Variants in DYM observed in about 807,000 individuals in gnomAD.
DYM encodes dyggve-Melchior-Clausen syndrome protein.
In DYM, 78 loss-of-function variants were observed where a neutral mutation model predicts 93.1. The observed-to-expected ratio is 0.84, with a 90% CI of 0.70 to 1.01. DYM has a LOEUF of 1.01. Ranked by LOEUF, DYM falls within the 50% of genes least tolerant of loss-of-function variation. DYM has a pLI of 0.00. For synonymous variants in DYM, 321 were observed against 319.7 expected, an observed-to-expected ratio of 1.00 and a Z score of -0.04; for missense variants, 789 against 845.0, an observed-to-expected ratio of 0.93 and a Z score of 0.82.
intron 14 of DYM, among the ~76,000 whole-genome samples, chr18:49,173,632 A>C (rs1335886482): frequency 6.6e-6 from 1 of 152,122 alleles, no homozygotes. Flanking sequence ...TGACAATAAC[A>C]AATTTAACAG....
intron 8 of DYM, among the ~76,000 whole-genome samples, chr18:49,315,271 T>C (rs2146441709): frequency 6.6e-6 from 1 of 152,026 alleles, no homozygotes; most frequent in Non-Finnish European, 1.5e-5. Flanking sequence ...TTAACATACA[T>C]GTTAGGTTCC....
At chr18:49,286,915 G>T (rs986156527) in intron 8 of DYM, among the ~76,000 whole-genome samples, 1 of 152,058 alleles carries the variant, frequency 6.6e-6, no homozygotes, top group South Asian at 2.1e-4. Context: ...AATGCAAGCC[G>T]GGTGCAGTGG....
At chr18:49,397,900 T>C (rs1182646938) in intron 2 of DYM, among the ~76,000 whole-genome samples, 2 of 152,234 alleles carry the variant, frequency 1.3e-5, no homozygotes, top group Non-Finnish European at 2.9e-5. Context: ...CTTTTTCATT[T>C]TACTTTTTCA....
At chr18:49,113,023 ATAT>A (rs1162052305) in intron 16 of DYM, among the ~76,000 whole-genome samples, 1 of 152,084 alleles carries the variant, frequency 6.6e-6, no homozygotes, top group African/African-American at 2.4e-5. Flanking sequence ...AACTGGGTAG[ATAT>A]TGATGTCATA....
chr18:49,288,298 C>T (rs1037750014), intron 8 of DYM, among the ~76,000 whole-genome samples: 115 of 152,164 alleles, frequency 7.6e-4, no homozygotes, highest in African/African-American at 2.6e-3. Flanking sequence ...TACATACAAT[C>T]AATAAATAAT....
chr18:49,150,396 A>C (rs529845999), intron 15 of DYM, among the ~76,000 whole-genome samples: 1 of 152,320 alleles, frequency 6.6e-6, no homozygotes, highest in South Asian at 2.1e-4. Flanking sequence ...TAGTCTGATG[A>C]CATTAGTACC....
intron 13 of DYM, among the ~76,000 whole-genome samples, chr18:49,232,452 C>T (rs1383721922): frequency 6.6e-6 from 1 of 151,084 alleles, no homozygotes; most frequent in African/African-American, 2.4e-5. Flanking sequence ...TACAGGCACC[C>T]ACCACCACAC....
chr18:49,141,182 T>G (rs1355947988), intron 15 of DYM, among the ~76,000 whole-genome samples: 1 of 152,180 alleles, frequency 6.6e-6, no homozygotes, highest in Non-Finnish European at 1.5e-5. Context: ...ATGTCACCTA[T>G]GTTTCCATCT....
intron 6 of DYM, among the ~76,000 whole-genome samples, chr18:49,346,882 G>A (rs2147099230): frequency 6.6e-6 from 1 of 152,188 alleles, no homozygotes; most frequent in South Asian, 2.1e-4. Context: ...TAAGTTGAAA[G>A]TATCAAAAGC....
intron 14 of DYM, among the ~76,000 whole-genome samples, chr18:49,181,610 G>A (rs568235834): frequency 2.0e-5 from 3 of 152,102 alleles, no homozygotes; most frequent in African/African-American, 4.8e-5. Flanking sequence ...GTATTATGTC[G>A]GTGCTCAAAA....
intron 1 of DYM, among the ~76,000 whole-genome samples, chr18:49,440,030 A>G (rs1480353667): frequency 6.8e-6 from 1 of 146,264 alleles, no homozygotes; most frequent in African/African-American, 2.5e-5. Context: ...ATAAATAAAT[A>G]AATAAATAAA....
intron 1 of DYM, among the ~76,000 whole-genome samples, chr18:49,451,804 A>G (rs7232138): frequency 0.079 from 12,054 of 152,254 alleles, 667 homozygotes; most frequent in African/African-American, 0.15. Flanking sequence ...CTTATCATAC[A>G]TTTGTCATTA....
intron 16 of DYM, among the ~76,000 whole-genome samples, chr18:49,102,751 T>C (rs1311429420): frequency 4.6e-5 from 7 of 152,182 alleles, no homozygotes; most frequent in Admixed American, 3.3e-4. Flanking sequence ...GAACTCATCC[T>C]TTTTTATGGC....
chr18:49,420,952 C>T (rs1361616644), intron 2 of DYM, among the ~76,000 whole-genome samples: 19 of 152,042 alleles, frequency 1.2e-4, no homozygotes, highest in Non-Finnish European at 2.2e-4. Context: ...AAGGTGGCAG[C>T]GAGGCTGGGG....
chr18:49,357,597 C>T (rs2065673447), intron 6 of DYM, among the ~76,000 whole-genome samples: 1 of 152,140 alleles, frequency 6.6e-6, no homozygotes, highest in Non-Finnish European at 1.5e-5. Context: ...ATACTGTTTC[C>T]ATATAGACTA....
rs555098372 is a variant in DYM, at chr18:49,050,080, C to CTTTT, written c.2026-5880_2026-5877dup. On this transcript the variant is annotated intron_variant, in intron 17 of 17. Coordinates refer to ENST00000675505, the MANE Select transcript of DYM (RefSeq NM_001353214.3). ...ATAAGGTGGACAGAGAGGTAACTTC[C>CTTTT]TTTTTTTTTTTTTTTTTTTTTTTAA... Among the ~76,000 whole-genome samples the CTTTT allele has an allele frequency of 8.1e-4, 87 of 106,904 alleles. 1 individual carries two copies. Among genetic ancestry groups the CTTTT allele is most frequent in the African/African-American group, 3.1e-3 (82 of 26,148 alleles). The allele number at this position is 106,904 out of a possible 152,430, so 70.1% of individuals were successfully genotyped here.
rs1004624840 is a variant in DYM at position 49,115,186 on chromosome 18, T to A, written c.1911+3558A>T. On this transcript the variant is annotated intron_variant, in intron 16 of 17. Transcript: ENST00000675505. ...ATTGCACGTAAGTGCTTAGCAAGTA[T>A]GCAATAAAAGCTAGTGATGATTAGA... is the stretch of plus-strand genomic sequence containing the variant. Among the ~76,000 whole-genome samples the A allele has an allele frequency of 4.6e-5, 7 of 152,392 alleles. 1 individual carries two copies. In the South Asian group the frequency reaches 6.2e-4, roughly 14 times the overall value.
intron 13 of DYM, among the ~76,000 whole-genome samples, chr18:49,246,402 G>A (rs1328726448): frequency 6.6e-6 from 1 of 152,148 alleles, no homozygotes; most frequent in Non-Finnish European, 1.5e-5. Flanking sequence ...CATCAAGAAG[G>A]AAAATGCTTT....
At chr18:49,134,494 C>G (rs963085563) in intron 15 of DYM, among the ~76,000 whole-genome samples, 2 of 152,128 alleles carry the variant, frequency 1.3e-5, no homozygotes, top group African/African-American at 4.8e-5. Flanking sequence ...AAAGTTCCCT[C>G]TAGAATAATT....
Sources: allele counts gnomAD v4.1 joint callset (sites outside exome capture counted in the v4.1 genomes callset), GRCh38; gene constraint gnomAD v4.1.1; transcripts MANE v1.5; gene names NCBI Gene and HGNC (gene_info 2026-07-23, HGNC 2026-07-21).